XKR9: variants seen among roughly 807,000 people sequenced by gnomAD.
XKR9 encodes the protein XK-related protein 9.
Under a neutral mutation model 32.0 loss-of-function variants are expected in XKR9, and 32 were observed. The ratio of observed to expected loss-of-function variants is 1.00; its 90% CI spans 0.76 to 1.34. XKR9 has a LOEUF of 1.34. Among genes scored for constraint, XKR9 ranks in the 40% most tolerant of loss-of-function variants. The probability of loss-of-function intolerance (pLI) is 0.00; values close to 1 mark genes in which losing one functional copy is unlikely to be tolerated. For missense variants in XKR9, 546 were observed against 429.7 expected (o/e 1.27, Z -2.39); for synonymous variants, 168 against 143.4 (o/e 1.17, Z -1.22).
the XKR9 span, among the ~76,000 whole-genome samples, chr8:70,879,457 A>T: frequency 6.6e-6 from 1 of 152,182 alleles, no homozygotes; most frequent in Non-Finnish European, 1.5e-5. Flanking sequence ...TAGACAAAAT[A>T]AAAAATGATA....
chr8:71,016,065 C>T, the XKR9 span, among the ~76,000 whole-genome samples: 3 of 150,574 alleles, frequency 2.0e-5, no homozygotes, highest in Admixed American at 2.0e-4. Flanking sequence ...ATCCATTTTC[C>T]CCCCCGGTAT....
chr8:70,878,685 G>C, the XKR9 span, among the ~76,000 whole-genome samples: 2 of 152,136 alleles, frequency 1.3e-5, no homozygotes, highest in South Asian at 2.1e-4. Context: ...AAGAGGCTTA[G>C]ACTCCCACAC....
At chr8:70,814,329 T>C in the XKR9 span, among the ~76,000 whole-genome samples, 1 of 152,004 alleles carries the variant, frequency 6.6e-6, no homozygotes, top group African/African-American at 2.4e-5. Flanking sequence ...CATTAGGAGA[T>C]ATACCTAATG....
At chr8:70,935,409 G>A in the XKR9 span, among the ~76,000 whole-genome samples, 1 of 151,626 alleles carries the variant, frequency 6.6e-6, no homozygotes, top group Non-Finnish European at 1.5e-5. Flanking sequence ...TCAGTGGATA[G>A]CCTTGCCAGG....
At chr8:70,960,172 G>T in the XKR9 span, among the ~76,000 whole-genome samples, 1 of 152,022 alleles carries the variant, frequency 6.6e-6, no homozygotes, top group South Asian at 2.1e-4. Flanking sequence ...TTGAACCTGG[G>T]AGGCGGAGGT....
the XKR9 span, among the ~76,000 whole-genome samples, chr8:70,820,638 A>T: frequency 6.6e-6 from 1 of 152,154 alleles, no homozygotes; most frequent in Non-Finnish European, 1.5e-5. Context: ...ATGGCTGGGG[A>T]GGCCTTAGGA....
the XKR9 span, among the ~76,000 whole-genome samples, chr8:70,824,762 C>G: frequency 6.6e-6 from 1 of 151,968 alleles, no homozygotes; most frequent in Non-Finnish European, 1.5e-5. Flanking sequence ...TAGTGAATAT[C>G]TATGATTACA....
intron 2 of XKR9, among the ~76,000 whole-genome samples, chr8:70,747,653 A>T (rs1807077563): frequency 6.6e-6 from 1 of 152,218 alleles, no homozygotes; most frequent in Admixed American, 6.5e-5. Flanking sequence ...ATCCAGTTTG[A>T]GGTATTCTGT....
At chr8:71,002,553 G>A in the XKR9 span, among the ~76,000 whole-genome samples, 1 of 151,926 alleles carries the variant, frequency 6.6e-6, no homozygotes, top group Non-Finnish European at 1.5e-5. Flanking sequence ...ACATTCAACA[G>A]GCAACTTCTG....
chr8:70,694,204 G>A (rs964474713), intron 3 of XKR9, among the ~76,000 whole-genome samples: 9 of 152,222 alleles, frequency 5.9e-5, no homozygotes, highest in Non-Finnish European at 1.0e-4. Flanking sequence ...GCTGGAGACC[G>A]TGGTTGCGAG....
chr8:70,999,610 C>T, the XKR9 span, among the ~76,000 whole-genome samples: 7 of 152,192 alleles, frequency 4.6e-5, no homozygotes, highest in Admixed American at 2.0e-4. Context: ...TGTGTTCATA[C>T]ATGATTCTCA....
chr8:70,954,542 C>A, the XKR9 span, among the ~76,000 whole-genome samples: 2 of 152,132 alleles, frequency 1.3e-5, no homozygotes, highest in Admixed American at 1.3e-4. Context: ...CATTATTTTC[C>A]ATCAAAACAA....
chr8:70,947,226 T>G, the XKR9 span, among the ~76,000 whole-genome samples: 1 of 152,186 alleles, frequency 6.6e-6, no homozygotes, highest in African/African-American at 2.4e-5. Context: ...ATTGCTACAG[T>G]AAGGATTGCT....
chr8:70,902,294 G>A, the XKR9 span, among the ~76,000 whole-genome samples: 2 of 152,202 alleles, frequency 1.3e-5, no homozygotes, highest in South Asian at 4.1e-4. Context: ...AGCATGGAAT[G>A]TTCTTCGATT....
At chr8:70,754,148 G>A (rs527606701) in intron 2 of XKR9, among the ~76,000 whole-genome samples, 32 of 147,986 alleles carry the variant, frequency 2.2e-4, no homozygotes, top group African/African-American at 7.5e-4. Flanking sequence ...CAAATCATGA[G>A]CAAACTCCCA....
the XKR9 span, among the ~76,000 whole-genome samples, chr8:70,916,690 G>T: frequency 6.4e-3 from 973 of 152,118 alleles, 19 homozygotes; most frequent in African/African-American, 0.022. Context: ...AAGCTGTCTT[G>T]TTGGATTTTG....
downstream of XKR9, among the ~76,000 whole-genome samples, chr8:70,738,670 T>C (rs1445836468): frequency 6.6e-6 from 1 of 152,188 alleles, no homozygotes; most frequent in Non-Finnish European, 1.5e-5. Flanking sequence ...GTATGTTGTG[T>C]CTTTGTTCTC....
At chr8:70,712,736 GA>G (rs1805961871) in intron 4 of XKR9, among the ~76,000 whole-genome samples, 1 of 151,974 alleles carries the variant, frequency 6.6e-6, no homozygotes, top group Non-Finnish European at 1.5e-5. Flanking sequence ...GCAAAACAAA[GA>G]AACAAAAACT....
the XKR9 span, among the ~76,000 whole-genome samples, chr8:70,811,260 A>C: frequency 3.9e-5 from 6 of 152,150 alleles, no homozygotes. Context: ...AAGACACAAC[A>C]TACCAGAATC....
Sources: allele counts gnomAD v4.1 joint callset (sites outside exome capture counted in the v4.1 genomes callset), GRCh38; gene constraint gnomAD v4.1.1; transcripts MANE v1.5; gene names NCBI Gene and HGNC (gene_info 2026-07-23, HGNC 2026-07-21).